Variants in XG observed in about 807,000 individuals in gnomAD.
XG encodes the protein Xg glycoprotein (Xg blood group).
Under a neutral mutation model 25.7 loss-of-function variants are expected in XG, and 24 were observed. The ratio of observed to expected loss-of-function variants is 0.93; its 90% CI spans 0.68 to 1.31. The LOEUF (loss-of-function observed/expected upper bound fraction) is 1.31. Among genes scored for constraint, XG ranks in the 40% most tolerant of loss-of-function variants. XG has a pLI of 0.00. For missense variants in XG, 181 were observed against 187.6 expected, an observed-to-expected ratio of 0.96 and a Z score of 0.21; for synonymous variants, 77 against 69.2, an observed-to-expected ratio of 1.11 and a Z score of -0.56.
chrX:2,780,821 C>T (rs1177449795), intron 3 of XG, among the ~76,000 whole-genome samples: 9 of 152,018 alleles, frequency 5.9e-5, no homozygotes, highest in Admixed American at 3.3e-4. Context: ...AGGTCACAAA[C>T]AGGTGAGAGA....
intron 7 of XG, 63 bp from the exon 8 acceptor site, chrX:2,806,638 G>T: frequency 9.8e-7 from 1 of 1,024,511 alleles, no homozygotes; most frequent in Admixed American, 3.0e-5. Context: ...GCTTGCTTCT[G>T]TAAGATCATG....
intron 7 of XG, among the ~76,000 whole-genome samples, chrX:2,804,912 A>G (rs770342950): frequency 1.1e-3 from 121 of 112,592 alleles, no homozygotes; most frequent in South Asian, 3.3e-3. Flanking sequence ...TGGGCCAAGA[A>G]CATCAGGCGT....
intron 2 of XG, among the ~76,000 whole-genome samples, chrX:2,773,464 AGG>A (rs200459136): frequency 7.0e-6 from 1 of 141,972 alleles, no homozygotes; most frequent in African/African-American, 2.6e-5. Flanking sequence ...GGAAAGAAGA[AGG>A]GGGAAAAGGA....
intron 1 of XG, among the ~76,000 whole-genome samples, chrX:2,766,767 G>T (rs369669732): frequency 6.8e-6 from 1 of 147,648 alleles, no homozygotes; most frequent in Non-Finnish European, 1.5e-5. Context: ...GGGTTTCACC[G>T]TGTTAGCCAG....
In XG at chrX:2,752,874, A is replaced by T. The variant is rs1023728489; in HGVS notation, c.61+539A>T. On this transcript the variant is annotated intron_variant, in intron 1 of 10. Coordinates refer to ENST00000644266, the MANE Select transcript of XG (RefSeq NM_001141919.2). ...TAAAACCACCTGAATTGTTCACATC[A>T]AAAACTTCGATATAAACTTGCAGGC... The T allele has an allele frequency of 1.3e-4, 123 of 969,640 alleles. 1 individual carries two copies. In the Middle Eastern group the frequency reaches 2.1e-3, roughly 17 times the overall value. 60.1% of individuals were successfully genotyped at this position (969,640 alleles called of 1,614,324 possible). A position where few individuals can be genotyped will look rare whatever the true frequency, so the allele number is the denominator to read the frequency against.
intron 1 of XG, chrX:2,752,936 C>T (rs771403312): frequency 5.1e-6 from 5 of 985,346 alleles, no homozygotes; most frequent in East Asian, 1.1e-4. Flanking sequence ...TTTTCAGTTC[C>T]GTACGAGGAC....
chrX:2,765,039 TC>T (rs1402421654), intron 1 of XG, among the ~76,000 whole-genome samples: 8 of 23,914 alleles, frequency 3.3e-4, no homozygotes, highest in East Asian at 1.2e-3. Context: ...AGATTCTTTA[TC>T]CAAAAAAAAA....
rs184682437 is a variant in XG, at chrX:2,794,679, G to T, written c.322+76G>T. Reference sequence around the variant, plus strand: ...GTGGGATGAGAGGCCTGAAGTTGGGGATGAGAGAGCTGAGGTTGGGGCAGA... The same window carrying T: ...GTGGGATGAGAGGCCTGAAGTTGGGTATGAGAGAGCTGAGGTTGGGGCAGA... On this transcript the variant is annotated intron_variant, in intron 6 of 10. Coordinates refer to ENST00000644266, the MANE Select transcript of XG (RefSeq NM_001141919.2). The T allele has an allele frequency of 4.6e-5, 51 of 1,102,906 alleles. 1 individual carries two copies. In the East Asian group the frequency reaches 1.4e-3, roughly 31 times the overall value. 90.9% of individuals were successfully genotyped at this position (1,102,906 alleles called of 1,213,427 possible).
At chrX:2,802,652 C>T (rs889698494) in intron 7 of XG, among the ~76,000 whole-genome samples, 3 of 108,230 alleles carry the variant, frequency 2.8e-5, no homozygotes, top group African/African-American at 1.0e-4. Context: ...CTCGCTGAGC[C>T]GCATTACCAG....
rs1267800785 is a variant in XG at position 2,752,215 on chromosome X, G to A, written c.-60G>A. On this transcript the variant is annotated 5_prime_UTR_variant, in exon 1 of 11. Coordinates refer to ENST00000644266, the MANE Select transcript of XG (RefSeq NM_001141919.2). ...TCAACAACAGGAGGGTGGAGAGGCC[G>A]GGTCTCACAATCCGCTTGGCTGGGG... The A allele has an allele frequency of 1.4e-5, 23 of 1,611,884 alleles. No individual in the cohort carries two copies. The highest frequency in any genetic ancestry group is 4.4e-5 in the South Asian group (4 of 90,842).
At chrX:2,769,188 T>C (rs1286837119) in intron 1 of XG, among the ~76,000 whole-genome samples, 1 of 152,234 alleles carries the variant, frequency 6.6e-6, no homozygotes, top group Non-Finnish European at 1.5e-5. Context: ...TACGAATCTA[T>C]GTTGGAGCCC....
At chrX:2,811,240 A>C (rs5939336) in intron 9 of XG, 96 bp from the exon 10 acceptor site, 1 of 624,902 alleles carries the variant, frequency 1.6e-6, no homozygotes, top group Non-Finnish European at 2.4e-6. Flanking sequence ...CAATGGCAAA[A>C]ACCGCAATAA....
At chrX:2,765,047 A>G (rs2050647430) in intron 1 of XG, among the ~76,000 whole-genome samples, 4 of 131,286 alleles carry the variant, frequency 3.0e-5, no homozygotes, top group South Asian at 5.2e-4. Flanking sequence ...TATCCAAAAA[A>G]AAAAAAAAAA....
chrX:2,787,484 A>G (rs1294608442), intron 4 of XG, among the ~76,000 whole-genome samples: 1 of 111,505 alleles, frequency 9.0e-6, no homozygotes, highest in African/African-American at 3.3e-5. Flanking sequence ...AGCCACGAAT[A>G]TGCAGCTCGT....
intron 3 of XG, among the ~76,000 whole-genome samples, chrX:2,779,557 T>TA (rs2051074403): frequency 6.6e-6 from 1 of 152,086 alleles, no homozygotes; most frequent in Non-Finnish European, 1.5e-5. Context: ...GACGCCTTCT[T>TA]CCCCGCAGAC....
At chrX:2,766,086 T>C (rs1292247975) in intron 1 of XG, among the ~76,000 whole-genome samples, 1 of 152,214 alleles carries the variant, frequency 6.6e-6, no homozygotes, top group African/African-American at 2.4e-5. Context: ...CCAATGCTAA[T>C]GGCCTGAGTG....
At chrX:2,809,513 T>C (rs1355248134) in intron 9 of XG, among the ~76,000 whole-genome samples, 2 of 112,104 alleles carry the variant, frequency 1.8e-5, no homozygotes, top group Admixed American at 1.9e-4. Flanking sequence ...TGACAATTGA[T>C]TGTACTTGAT....
chrX:2,801,804 G>T (rs1436810803), intron 7 of XG, among the ~76,000 whole-genome samples: 48 of 111,196 alleles, frequency 4.3e-4, no homozygotes, highest in African/African-American at 1.4e-3. Context: ...CGCCTCCCGG[G>T]TTCACGCCAT....
intron 4 of XG, among the ~76,000 whole-genome samples, chrX:2,786,410 G>C (rs2086784998): frequency 9.2e-6 from 1 of 108,518 alleles, no homozygotes; most frequent in Admixed American, 1.0e-4. Flanking sequence ...TGGGATTACA[G>C]GCGTGCAACA....
Sources: allele counts gnomAD v4.1 joint callset (sites outside exome capture counted in the v4.1 genomes callset), GRCh38; gene constraint gnomAD v4.1.1; transcripts MANE v1.5; gene names NCBI Gene and HGNC (gene_info 2026-07-23, HGNC 2026-07-21).